FTCDNL1: variants seen among roughly 807,000 people sequenced by gnomAD.
The protein encoded by FTCDNL1 is formiminotransferase cyclodeaminase N-terminal like.
A neutral mutation model predicts 5.9 loss-of-function variants in FTCDNL1; 11 were observed. The ratio of observed to expected loss-of-function variants is 1.87; its 90% CI spans 1.18 to 3.10. The LOEUF (loss-of-function observed/expected upper bound fraction) is 3.10. Ranked by LOEUF, FTCDNL1 falls within the 30% of genes most tolerant of loss-of-function variation. The pLI is 0.00. For synonymous variants in FTCDNL1, 58 were observed against 24.8 expected (o/e 2.34, Z -3.99); for missense variants, 115 against 65.5 (o/e 1.76, Z -2.61).
the FTCDNL1 span, among the ~76,000 whole-genome samples, chr2:199,679,044 A>G: frequency 6.6e-6 from 1 of 152,156 alleles, no homozygotes; most frequent in Non-Finnish European, 1.5e-5. Flanking sequence ...TGCCGCTAGC[A>G]CTTGTTTGAA....
chr2:199,762,379 C>CA (rs916908586), intron 3 of FTCDNL1, among the ~76,000 whole-genome samples: 26 of 151,608 alleles, frequency 1.7e-4, no homozygotes, highest in South Asian at 1.0e-3. Context: ...AACTCTGTCT[C>CA]AAAAAAAACA....
At chr2:199,845,958 T>G in intron 3 of FTCDNL1, 117 bp downstream of exon 3, 1 of 492,624 alleles carries the variant, frequency 2.0e-6, no homozygotes, top group East Asian at 3.0e-5. Context: ...TGGTAGACTC[T>G]TTACTTAATA....
intron 3 of FTCDNL1, among the ~76,000 whole-genome samples, chr2:199,786,132 C>T (rs1201000091): frequency 6.6e-6 from 1 of 152,014 alleles, no homozygotes; most frequent in Non-Finnish European, 1.5e-5. Context: ...GGCCACAGAC[C>T]AGTACCTGTC....
chr2:199,672,950 T>C, the FTCDNL1 span, among the ~76,000 whole-genome samples: 1 of 152,066 alleles, frequency 6.6e-6, no homozygotes, highest in East Asian at 1.9e-4. Flanking sequence ...AATCTTTTAT[T>C]GCAGGAGTAT....
chr2:199,717,595 A>G, the FTCDNL1 span, among the ~76,000 whole-genome samples: 4 of 146,788 alleles, frequency 2.7e-5, no homozygotes, highest in African/African-American at 1.0e-4. Flanking sequence ...AATAATATAC[A>G]ACCAACAAGG....
chr2:199,830,923 A>G (rs1445592369), intron 3 of FTCDNL1, among the ~76,000 whole-genome samples: 17 of 152,246 alleles, frequency 1.1e-4, no homozygotes, highest in Admixed American at 1.1e-3. Flanking sequence ...AATGAGATCA[A>G]GTGCAATTCC....
At chr2:199,678,911 A>AT in the FTCDNL1 span, among the ~76,000 whole-genome samples, 1 of 152,086 alleles carries the variant, frequency 6.6e-6, no homozygotes, top group Admixed American at 6.6e-5. Flanking sequence ...TGCATTTCTG[A>AT]TTATTTCCTT....
At chr2:199,795,829 C>T (rs1478201786) in intron 3 of FTCDNL1, among the ~76,000 whole-genome samples, 1 of 151,962 alleles carries the variant, frequency 6.6e-6, no homozygotes, top group Non-Finnish European at 1.5e-5. Flanking sequence ...TGTCAATGTA[C>T]TGTTTATATC....
At chr2:199,681,063 G>C in the FTCDNL1 span, among the ~76,000 whole-genome samples, 1 of 152,160 alleles carries the variant, frequency 6.6e-6, no homozygotes, top group African/African-American at 2.4e-5. Context: ...TTGTTATTGA[G>C]AATACAGGGA....
intron 3 of FTCDNL1, among the ~76,000 whole-genome samples, chr2:199,769,294 AGGGGT>A (rs1559171745): frequency 6.6e-6 from 1 of 152,108 alleles, no homozygotes; most frequent in African/African-American, 2.4e-5. Context: ...CCCACATGTC[AGGGGT>A]GGGCCAGGCG....
intron 3 of FTCDNL1, 67 bp from the exon 4 acceptor site, chr2:199,819,824 T>C (rs930388986): frequency 1.5e-6 from 1 of 654,766 alleles, no homozygotes; most frequent in Non-Finnish European, 2.8e-6. Context: ...CCAAAGCATA[T>C]AATTTTTTTG....
chr2:199,815,638 G>A (rs1263362723), intron 4 of FTCDNL1, among the ~76,000 whole-genome samples: 3 of 152,106 alleles, frequency 2.0e-5, no homozygotes, highest in Non-Finnish European at 4.4e-5. Context: ...AAAATTAGAT[G>A]AATAACATTT....
In FTCDNL1 at chr2:199,839,224, G is replaced by A. The variant is rs146158694; in HGVS notation, c.211+6851C>T. On this transcript the variant is annotated intron_variant, in intron 3 of 4. Transcript: ENST00000420128. The stretch of plus-strand genomic sequence containing the variant: ...GGACAAGGTGAGGGGAGATTATACA[G>A]GAAGAAGAAACCGAAATGATCCATT... Among the ~76,000 whole-genome samples, 238 of 152,154 alleles carry A rather than the reference G, an allele frequency of 1.6e-3. 2 individuals are homozygous for A. The highest frequency in any genetic ancestry group is 0.011 in the East Asian group (57 of 5,176).
At chr2:199,774,790 A>G (rs534227679) in intron 3 of FTCDNL1, among the ~76,000 whole-genome samples, 1 of 152,252 alleles carries the variant, frequency 6.6e-6, no homozygotes, top group South Asian at 2.1e-4. Flanking sequence ...TCACAGAGAT[A>G]AGAATCTCTT....
the FTCDNL1 span, among the ~76,000 whole-genome samples, chr2:199,683,991 T>C: frequency 2.5e-3 from 383 of 152,358 alleles, no homozygotes; most frequent in South Asian, 0.013. Flanking sequence ...ACTTTAATTG[T>C]GGGTGCAATC....
chr2:199,765,255 GATA>G (rs1382824970), intron 3 of FTCDNL1, among the ~76,000 whole-genome samples: 2 of 151,958 alleles, frequency 1.3e-5, no homozygotes, highest in Non-Finnish European at 2.9e-5. Context: ...AACTTGACAT[GATA>G]ATGTGTCAAT....
the FTCDNL1 span, among the ~76,000 whole-genome samples, chr2:199,670,537 C>G: frequency 6.6e-6 from 1 of 152,156 alleles, no homozygotes; most frequent in Non-Finnish European, 1.5e-5. Context: ...TAAGGTCTTT[C>G]TCTCTTTTTT....
intron 3 of FTCDNL1, among the ~76,000 whole-genome samples, chr2:199,839,377 C>T (rs2076520550): frequency 6.6e-6 from 1 of 152,158 alleles, no homozygotes; most frequent in Non-Finnish European, 1.5e-5. Context: ...AAGGCTGGGA[C>T]AGCAAGTAGA....
intron 1 of FTCDNL1, 150 bp from the exon 2 acceptor site, chr2:199,849,119 A>G (rs1386182411): frequency 1.7e-6 from 1 of 593,630 alleles, no homozygotes; most frequent in African/African-American, 1.9e-5. Context: ...AAAGCATAAA[A>G]TCTCCAGATT....
Sources: allele counts gnomAD v4.1 joint callset (sites outside exome capture counted in the v4.1 genomes callset), GRCh38; gene constraint gnomAD v4.1.1; transcripts MANE v1.5; gene names NCBI Gene and HGNC (gene_info 2026-07-23, HGNC 2026-07-21).